The following XPNPEP3 variants were observed in gnomAD, a reference collection of about 807,000 sequenced individuals.
The protein encoded by XPNPEP3 is X-prolyl aminopeptidase 3.
In XPNPEP3, 41 loss-of-function variants were observed where a neutral mutation model predicts 60.0. The ratio of observed to expected loss-of-function variants is 0.68; its 90% CI spans 0.53 to 0.89. The LOEUF is 0.89. Ranked by LOEUF, XPNPEP3 falls within the 40% of genes least tolerant of loss-of-function variation. The pLI is 0.00. For missense variants in XPNPEP3, 598 were observed against 638.9 expected (o/e 0.94, Z 0.69); for synonymous variants, 212 against 223.2 (o/e 0.95, Z 0.45).
At chr22:40,918,378 A>G (rs1267385238) in intron 7 of XPNPEP3, among the ~76,000 whole-genome samples, 1 of 152,156 alleles carries the variant, frequency 6.6e-6, no homozygotes, top group Non-Finnish European at 1.5e-5. Flanking sequence ...TGTCTCCAAA[A>G]TAAAAAAGTT....
intron 8 of XPNPEP3, 68 bp from the exon 9 acceptor site, chr22:40,924,294 T>G (rs2058226888): frequency 6.2e-7 from 1 of 1,604,840 alleles, no homozygotes; most frequent in African/African-American, 1.3e-5. Context: ...CTCACTGATT[T>G]ATACTTGCCC....
At chr22:40,905,823 C>T (rs909014675) in intron 4 of XPNPEP3, among the ~76,000 whole-genome samples, 1 of 151,886 alleles carries the variant, frequency 6.6e-6, no homozygotes, top group Admixed American at 6.6e-5. Flanking sequence ...GACAGAGTCT[C>T]GCACTGTGGC....
In XPNPEP3 at chr22:40,880,001, T is replaced by C. The variant is rs181969431; in HGVS notation, c.182-1769T>C. Among the ~76,000 whole-genome samples, 16 of 134,254 alleles carry C rather than the reference T, an allele frequency of 1.2e-4. No homozygotes were observed. In the East Asian group the frequency reaches 3.0e-3, roughly 25 times the overall value. The allele number at this position is 134,254 out of a possible 152,430, so 88.1% of individuals were successfully genotyped here. ...AGGATCGTGCCACTGCTCTCCAGCC[T>C]GGGTGACAGAGCAGGACTCTGTCTC... On this transcript the variant is annotated intron_variant, in intron 2 of 9. Coordinates refer to ENST00000357137, the MANE Select transcript of XPNPEP3 (RefSeq NM_022098.4).
At chr22:40,866,403 A>C (rs982421463) in intron 1 of XPNPEP3, among the ~76,000 whole-genome samples, 7 of 152,036 alleles carry the variant, frequency 4.6e-5, no homozygotes, top group Non-Finnish European at 8.8e-5. Context: ...GAGAAGAGTA[A>C]GAGAAGTCTC....
chr22:40,916,160 C>T (rs756071601), intron 7 of XPNPEP3, among the ~76,000 whole-genome samples: 5 of 151,722 alleles, frequency 3.3e-5, no homozygotes, highest in Non-Finnish European at 5.9e-5. Flanking sequence ...AGTGTGGTGG[C>T]GGGCACCTGT....
At chr22:40,914,531 ATTTTTTTTTT>A (rs560908648) in intron 7 of XPNPEP3, among the ~76,000 whole-genome samples, 10 of 67,604 alleles carry the variant, frequency 1.5e-4, no homozygotes, top group Non-Finnish European at 2.5e-4. Flanking sequence ...ACTAACAAAG[ATTTTTTTTTT>A]TTTTTTTTTT....
intron 4 of XPNPEP3, among the ~76,000 whole-genome samples, chr22:40,902,311 C>T (rs1430400455): frequency 2.8e-5 from 4 of 143,558 alleles, no homozygotes; most frequent in Non-Finnish European, 4.5e-5. Context: ...AGTGCAGTGG[C>T]GCGATCTTGG....
At chr22:40,863,276 G>A (rs1244020311) in intron 1 of XPNPEP3, among the ~76,000 whole-genome samples, 1 of 152,190 alleles carries the variant, frequency 6.6e-6, no homozygotes, top group African/African-American at 2.4e-5. Context: ...ATTAGAAACA[G>A]ACCAAAGGTG....
intron 3 of XPNPEP3, among the ~76,000 whole-genome samples, chr22:40,883,201 A>G (rs1001940628): frequency 1.3e-5 from 2 of 152,228 alleles, no homozygotes; most frequent in Admixed American, 6.5e-5. Flanking sequence ...AGAACGATCC[A>G]TGCATCACAG....
intron 4 of XPNPEP3, among the ~76,000 whole-genome samples, chr22:40,890,259 A>T (rs920794698): frequency 5.3e-5 from 8 of 152,306 alleles, no homozygotes; most frequent in African/African-American, 1.9e-4. Flanking sequence ...ATTAAAATAA[A>T]AATTAAGGCC....
intron 4 of XPNPEP3, among the ~76,000 whole-genome samples, chr22:40,899,888 T>A (rs1242651571): frequency 6.6e-6 from 1 of 151,522 alleles, no homozygotes; most frequent in Non-Finnish European, 1.5e-5. Context: ...TTAACTTAAT[T>A]AGCCAGGTGT....
At chr22:40,907,157 C>CA (rs1230543332) in intron 4 of XPNPEP3, 28 of 457,090 alleles carry the variant, frequency 6.1e-5, no homozygotes, top group Non-Finnish European at 1.1e-4. Flanking sequence ...CACGGTGGCT[C>CA]ACGCCTGTAT....
intron 4 of XPNPEP3, among the ~76,000 whole-genome samples, chr22:40,899,233 G>A (rs1203728373): frequency 1.3e-5 from 2 of 152,076 alleles, no homozygotes; most frequent in East Asian, 3.9e-4. Flanking sequence ...AAAAATGATA[G>A]TAGCCCAGTT....
At position 40,930,115 on chromosome 22, in the gene XPNPEP3, T is replaced by C. The variant is rs1042261766; in HGVS notation, c.*3680T>C. 5.1e-4 allele frequency: 77 copies of C among 151,426 alleles called. No homozygotes were observed. Among genetic ancestry groups the C allele is most frequent in the African/African-American group, 1.8e-3 (73 of 41,352 alleles). 9.4% of individuals were successfully genotyped at this position (151,426 alleles called of 1,614,324 possible). ...ATTAGCTTTTTTTTTTTTTAAAGGTTTTTTGTGGGGTTTTTTTGTTTTTTT... is the reference window on the plus strand; with the variant it reads ...ATTAGCTTTTTTTTTTTTTAAAGGTCTTTTGTGGGGTTTTTTTGTTTTTTT... On this transcript the variant is annotated 3_prime_UTR_variant, in exon 10 of 10. Transcript: ENST00000357137.
chr22:40,887,625 C>G (rs2058074347), intron 4 of XPNPEP3, among the ~76,000 whole-genome samples: 1 of 152,064 alleles, frequency 6.6e-6, no homozygotes, highest in Non-Finnish European at 1.5e-5. Context: ...CCTTAACTAC[C>G]TCCTAAAGAC....
At chr22:40,919,859 C>T (rs375863663) in intron 7 of XPNPEP3, among the ~76,000 whole-genome samples, 2 of 152,032 alleles carry the variant, frequency 1.3e-5, no homozygotes, top group East Asian at 1.9e-4. Flanking sequence ...AATTACTGAT[C>T]GAATGTTTTT....
In XPNPEP3 at chr22:40,922,472, T is replaced by C; in HGVS notation, c.1195T>C (p.Leu399=). The change falls in exon 8 of 10, where the codon TTG becomes CTG. Residue 399 remains leucine (L), a synonymous_variant. Transcript: ENST00000357137. The part of the protein sequence containing the change: ...LTLIGQKLKD[L]GIMKNIKENN... ...CCTGATAGGACAGAAGCTTAAAGAC[T>C]TGGGGATCATGAAGAACATTAAGGA... The C allele has an allele frequency of 1.2e-6, 2 of 1,614,052 alleles. No individual in the cohort carries two copies. The highest frequency in any genetic ancestry group is 1.7e-6 in the Non-Finnish European group (2 of 1,179,988).
intron 8 of XPNPEP3, among the ~76,000 whole-genome samples, chr22:40,923,003 A>G (rs2058222555): frequency 6.6e-6 from 1 of 152,122 alleles, no homozygotes; most frequent in South Asian, 2.1e-4. Flanking sequence ...AAAAGGAAAC[A>G]AGAAATGAGG....
chr22:40,926,231 T>TGGGTGGTTCA (rs1273119182), intron 9 of XPNPEP3, 38 bp from the exon 10 acceptor site: 5 of 1,613,412 alleles, frequency 3.1e-6, no homozygotes. Flanking sequence ...CCAGTTACTA[T>TGGGTGGTTCA]CATTCCTGAA....
Sources: gnomAD v4.1 joint callset for allele counts (sites outside exome capture counted in the v4.1 genomes callset) on GRCh38, gnomAD v4.1.1 for gene constraint, MANE v1.5 for transcripts, NCBI Gene and HGNC (gene_info 2026-07-23, HGNC 2026-07-21) for gene names.